The following ADCYAP1R1 variants were observed in gnomAD, a reference collection of about 807,000 sequenced individuals.
The protein encoded by ADCYAP1R1 is pituitary adenylate cyclase-activating polypeptide type I receptor.
Under a neutral mutation model 67.6 loss-of-function variants are expected in ADCYAP1R1, and 44 were observed. That is an observed-to-expected ratio of 0.65 (90% CI 0.51 to 0.84). ADCYAP1R1 has a LOEUF of 0.84. Among genes scored for constraint, ADCYAP1R1 ranks in the 40% least tolerant of loss-of-function variants. ADCYAP1R1 has a pLI of 0.00. For synonymous variants in ADCYAP1R1, 222 were observed against 219.6 expected, an observed-to-expected ratio of 1.01 and a Z score of -0.10; for missense variants, 477 against 587.9, an observed-to-expected ratio of 0.81 and a Z score of 1.95.
intron 15 of ADCYAP1R1, among the ~76,000 whole-genome samples, chr7:31,105,495 C>T (rs1234299000): frequency 6.6e-6 from 1 of 152,228 alleles, no homozygotes; most frequent in Non-Finnish European, 1.5e-5. Flanking sequence ...CCTCTGTACC[C>T]TATTGGGGTA....
intron 4 of ADCYAP1R1, among the ~76,000 whole-genome samples, chr7:31,079,548 T>C (rs970796312): frequency 6.6e-6 from 1 of 152,248 alleles, no homozygotes; most frequent in Non-Finnish European, 1.5e-5. Context: ...GTCCCCTGTC[T>C]TCTCTGAGAG....
At chr7:31,087,066 G>C in intron 11 of ADCYAP1R1, 63 bp downstream of exon 11, 1 of 1,574,602 alleles carries the variant, frequency 6.4e-7, no homozygotes, top group Non-Finnish European at 8.7e-7. Flanking sequence ...TGGGTTCTCA[G>C]TAGCTGCCCT....
At chr7:31,059,885 T>C (rs1445736129) in intron 1 of ADCYAP1R1, among the ~76,000 whole-genome samples, 4 of 150,742 alleles carry the variant, frequency 2.7e-5, no homozygotes, top group Non-Finnish European at 4.4e-5. Context: ...CCAGGTTCTC[T>C]CTCTCCTCCT....
At chr7:31,105,012 G>A in intron 15 of ADCYAP1R1, 103 bp downstream of exon 15, 3 of 1,236,660 alleles carry the variant, frequency 2.4e-6, no homozygotes, top group Non-Finnish European at 2.4e-6. Context: ...TCTTCAGAGA[G>A]GGCTCTGCCA....
At position 31,067,354 on chromosome 7, in the gene ADCYAP1R1, C is replaced by A. The variant is rs144945236; in HGVS notation, c.157+2418C>A. Reference sequence around the variant, plus strand: ...TGGGAAAGAGGAAAAGAGTAAAGGCCCAGTTGGACCACCAACTCCATGACC... The same window carrying A: ...TGGGAAAGAGGAAAAGAGTAAAGGCACAGTTGGACCACCAACTCCATGACC... On this transcript the variant is annotated intron_variant, in intron 3 of 15. Transcript: ENST00000304166. Among the ~76,000 whole-genome samples, 345 of 152,138 alleles carry A rather than the reference C, an allele frequency of 2.3e-3. 2 individuals are homozygous for A. Among genetic ancestry groups the A allele is most frequent in the African/African-American group, 6.8e-3 (284 of 41,502 alleles).
At chr7:31,100,051 G>A in intron 13 of ADCYAP1R1, 1 of 1,421,312 alleles carries the variant, frequency 7.0e-7, no homozygotes, top group Non-Finnish European at 9.7e-7. Flanking sequence ...CCTCTTTTCT[G>A]CTTTCCCTGT....
intron 3 of ADCYAP1R1, among the ~76,000 whole-genome samples, chr7:31,070,787 C>A (rs2128620863): frequency 6.6e-6 from 1 of 152,326 alleles, no homozygotes; most frequent in East Asian, 1.9e-4. Flanking sequence ...TTGCTGGGCC[C>A]ACCTCCAGAA....
intron 3 of ADCYAP1R1, among the ~76,000 whole-genome samples, chr7:31,074,016 A>C (rs1468856817): frequency 6.6e-6 from 1 of 152,114 alleles, no homozygotes; most frequent in Non-Finnish European, 1.5e-5. Context: ...GGGGTGGGGC[A>C]CCTTAGCAGA....
chr7:31,106,778 G>T lies in ADCYAP1R1; in HGVS notation c.*94G>T, dbSNP rs977583305. On this transcript the variant is annotated 3_prime_UTR_variant, in exon 16 of 16. Coordinates refer to ENST00000304166, the MANE Select transcript of ADCYAP1R1 (RefSeq NM_001118.5). The stretch of plus-strand genomic sequence containing the variant: ...ATGTTTGCGCCTCTTCCCTCCCCTT[G>T]GGCAGGCCCTGGGCTGGAAGCTTGG... 2 of 1,408,682 alleles carry T rather than the reference G, an allele frequency of 1.4e-6. No homozygotes were observed. The highest frequency in any genetic ancestry group is 2.7e-5 in the Admixed American group (1 of 37,702). The allele number at this position is 1,408,682 out of a possible 1,614,324, so 87.3% of individuals were successfully genotyped here.
intron 13 of ADCYAP1R1, among the ~76,000 whole-genome samples, chr7:31,100,984 G>GC (rs1399974020): frequency 6.6e-6 from 1 of 152,184 alleles, no homozygotes; most frequent in Non-Finnish European, 1.5e-5. Flanking sequence ...AGAGGCCTAG[G>GC]CCCCGTGTCA....
chr7:31,093,374 C>T (rs1796048470), intron 13 of ADCYAP1R1, among the ~76,000 whole-genome samples: 1 of 152,236 alleles, frequency 6.6e-6, no homozygotes, highest in Admixed American at 6.5e-5. Flanking sequence ...GCTTTCTCCA[C>T]TTCCATGGCC....
At position 31,063,190 on chromosome 7, in the gene ADCYAP1R1, C is replaced by G. The variant is rs1794581649; in HGVS notation, c.-71-4C>G. ...CAGGATTCACACCTTTCCTTCCTCTCTAGCCCAGAGACACATTGGGGCTGA... is the reference window on the plus strand; with the variant it reads ...CAGGATTCACACCTTTCCTTCCTCTGTAGCCCAGAGACACATTGGGGCTGA... On this transcript the variant is annotated splice_polypyrimidine_tract_variant and splice_region_variant and intron_variant, in intron 1 of 15. Coordinates refer to ENST00000304166, the MANE Select transcript of ADCYAP1R1 (RefSeq NM_001118.5). 4 of 1,579,574 alleles carry G rather than the reference C, an allele frequency of 2.5e-6. No homozygotes were observed. The highest frequency in any genetic ancestry group is 3.5e-6 in the Non-Finnish European group (4 of 1,148,938).
At chr7:31,105,421 C>T (rs1393325759) in intron 15 of ADCYAP1R1, among the ~76,000 whole-genome samples, 9 of 152,210 alleles carry the variant, frequency 5.9e-5, no homozygotes, top group African/African-American at 2.2e-4. Flanking sequence ...TTGGAAGAGA[C>T]CCCAGGGAGA....
chr7:31,085,238 C>G, intron 8 of ADCYAP1R1, 72 bp from the exon 9 acceptor site: 2 of 1,555,732 alleles, frequency 1.3e-6, no homozygotes, highest in Non-Finnish European at 1.7e-6. Context: ...TGGCCCACCA[C>G]AGATGCCCAC....
chr7:31,086,321 G>A lies in ADCYAP1R1; in HGVS notation c.670-63G>A. On this transcript the variant is annotated intron_variant, in intron 9 of 15. Coordinates refer to ENST00000304166, the MANE Select transcript of ADCYAP1R1 (RefSeq NM_001118.5). The surrounding 1 kb of genome is among the most constrained non-coding windows in gnomAD (Gnocchi z 5.0). The stretch of plus-strand genomic sequence containing the variant: ...GCATGCCAGAGCCAACGGGCCCTAG[G>A]ATTCTCCCTTGCTCCTGTTCCTGTT... 1 of 1,566,102 alleles carries A rather than the reference G, an allele frequency of 6.4e-7. No individual in the cohort carries two copies. Among genetic ancestry groups the A allele is most frequent in the Non-Finnish European group, 8.7e-7 (1 of 1,152,380 alleles).
intron 14 of ADCYAP1R1, among the ~76,000 whole-genome samples, chr7:31,104,100 G>C (rs919931706): frequency 3.3e-5 from 5 of 152,206 alleles, no homozygotes; most frequent in Non-Finnish European, 5.9e-5. Context: ...ACCGGGCCCA[G>C]GTTCTTAGTC....
chr7:31,063,420 T>A, intron 2 of ADCYAP1R1, 105 bp downstream of exon 2: 3 of 1,326,128 alleles, frequency 2.3e-6, no homozygotes, highest in Non-Finnish European at 2.1e-6. Flanking sequence ...TTCATCTGGC[T>A]GGTATTTCTG....
chr7:31,066,928 G>C (rs1295951967), intron 3 of ADCYAP1R1, among the ~76,000 whole-genome samples: 1 of 152,228 alleles, frequency 6.6e-6, no homozygotes, highest in Non-Finnish European at 1.5e-5. Flanking sequence ...TATTGGAGCA[G>C]ATGGGTTGGG....
chr7:31,081,600 C>T lies in ADCYAP1R1; in HGVS notation c.287-113C>T, dbSNP rs536312090. On this transcript the variant is annotated intron_variant, in intron 5 of 15. Transcript: ENST00000304166. ...TGATATTGCCTCTTGGCCAGGACTC[C>T]ATCCCCTACTTCCTGTAGACCAGGG... The T allele has an allele frequency of 7.7e-6, 6 of 778,210 alleles. No homozygotes were observed. In the South Asian group the frequency reaches 1.3e-4, roughly 17 times the overall value. The allele number at this position is 778,210 out of a possible 1,614,324, so 48.2% of individuals were successfully genotyped here. A position where few individuals can be genotyped will look rare whatever the true frequency, so the allele number is the denominator to read the frequency against.
Sources: allele counts gnomAD v4.1 joint callset (sites outside exome capture counted in the v4.1 genomes callset), GRCh38; gene constraint gnomAD v4.1.1; non-coding constraint Gnocchi (gnomAD v3.1); transcripts MANE v1.5; gene names NCBI Gene and HGNC (gene_info 2026-07-23, HGNC 2026-07-21).